The following PRKN variants were observed in gnomAD, a reference collection of about 807,000 sequenced individuals.
PRKN encodes the protein E3 ubiquitin-protein ligase parkin.
Under a neutral mutation model 59.5 loss-of-function variants are expected in PRKN, and 56 were observed. That is an observed-to-expected ratio of 0.94 (90% confidence interval 0.76 to 1.18). PRKN has a LOEUF of 1.18. Ranked by LOEUF, PRKN falls within the 50% of genes most tolerant of loss-of-function variation. The pLI, the probability that PRKN is intolerant of heterozygous loss-of-function variation, is 0.00. For synonymous variants in PRKN, 250 were observed against 222.1 expected (o/e 1.13, Z -1.12); for missense variants, 657 against 596.4 (o/e 1.10, Z -1.06).
chr6:161,817,626 A>C (rs939907434), intron 6 of PRKN, among the ~76,000 whole-genome samples: 1 of 152,212 alleles, frequency 6.6e-6, no homozygotes, highest in Non-Finnish European at 1.5e-5. Flanking sequence ...TTTTAAGAAA[A>C]GTTAACTTGT....
intron 4 of PRKN, among the ~76,000 whole-genome samples, chr6:162,197,355 C>T (rs935254961): frequency 1.1e-4 from 16 of 152,102 alleles, no homozygotes; most frequent in Non-Finnish European, 2.1e-4. Context: ...ATTGAAACAT[C>T]TGATCTTCTC....
intron 4 of PRKN, among the ~76,000 whole-genome samples, chr6:162,159,587 G>C (rs1423290846): frequency 6.6e-6 from 1 of 152,132 alleles, no homozygotes; most frequent in Non-Finnish European, 1.5e-5. Context: ...AGATTTCTTT[G>C]TAGAAATTGA....
intron 5 of PRKN, among the ~76,000 whole-genome samples, chr6:162,019,778 G>A (rs551837899): frequency 1.3e-5 from 2 of 152,278 alleles, no homozygotes; most frequent in East Asian, 3.9e-4. Flanking sequence ...CAGCACTTTG[G>A]GAGGCCAAGG....
chr6:162,476,057 CTT>C (rs765988655), intron 1 of PRKN, among the ~76,000 whole-genome samples: 2 of 113,002 alleles, frequency 1.8e-5, no homozygotes, highest in African/African-American at 3.6e-5. Flanking sequence ...TAACACCACT[CTT>C]TTTTTTTTTT....
At position 162,465,848 on chromosome 6, in the gene PRKN, G is replaced by A. The variant is rs144020708; in HGVS notation, c.8-22375C>T. Among the ~76,000 whole-genome samples, 864 of 152,248 alleles carry A rather than the reference G, an allele frequency of 5.7e-3. 9 individuals carry two copies. Among genetic ancestry groups the A allele is most frequent in the South Asian group, 0.016 (76 of 4,830 alleles). On this transcript the variant is annotated intron_variant, in intron 1 of 11. Transcript: ENST00000366898. The stretch of plus-strand genomic sequence containing the variant: ...AATTAAATTCAGGAGGGTATATTGT[G>A]ATATTTAAGAATTTAACAAAGTTAT...
chr6:161,894,690 G>T (rs1230940818), intron 6 of PRKN, among the ~76,000 whole-genome samples: 3 of 152,164 alleles, frequency 2.0e-5, no homozygotes, highest in African/African-American at 7.2e-5. Context: ...TTCTCTATGG[G>T]AACGTTTTCA....
intron 2 of PRKN, among the ~76,000 whole-genome samples, chr6:162,360,578 T>G (rs1562700730): frequency 6.6e-6 from 1 of 152,164 alleles, no homozygotes; most frequent in Non-Finnish European, 1.5e-5. Flanking sequence ...AATAAGTCAT[T>G]TGTTCTTTAA....
chr6:162,047,455 C>G (rs571083951), intron 5 of PRKN, among the ~76,000 whole-genome samples: 24 of 152,118 alleles, frequency 1.6e-4, no homozygotes, highest in African/African-American at 5.5e-4. Flanking sequence ...TGAAGACCGT[C>G]ATTTGTGACT....
chr6:162,546,300 A>G (rs988682773), intron 1 of PRKN, among the ~76,000 whole-genome samples: 1 of 151,896 alleles, frequency 6.6e-6, no homozygotes, highest in African/African-American at 2.4e-5. Flanking sequence ...ACAGGGTTTT[A>G]CCATGTTGGC....
Position 162,635,595 on chromosome 6 carries a change from TATAATA to T in PRKN, c.7+92061_7+92066del, listed in dbSNP as rs67852948. Among the ~76,000 whole-genome samples the T allele has an allele frequency of 4.0e-5, 6 of 151,280 alleles. No individual in the cohort carries two copies. The South Asian group carries it at 6.2e-4, about 16-fold the overall frequency. Reference sequence around the variant, plus strand: ...TTGTTATTAAGTTTTCTTATTTTATTATAATAATATTATTAATTTTCATTACTCTAA... The same window carrying T: ...TTGTTATTAAGTTTTCTTATTTTATTATATTATTAATTTTCATTACTCTAA... On this transcript the variant is annotated intron_variant, in intron 1 of 11. Coordinates refer to ENST00000366898, the MANE Select transcript of PRKN (RefSeq NM_004562.3).
intron 4 of PRKN, among the ~76,000 whole-genome samples, chr6:162,064,778 A>G (rs1778255140): frequency 6.6e-6 from 1 of 152,244 alleles, no homozygotes; most frequent in Admixed American, 6.5e-5. Flanking sequence ...CTTTCATTAC[A>G]TGAAATTGTC....
At chr6:162,562,754 C>G (rs1441236020) in intron 1 of PRKN, among the ~76,000 whole-genome samples, 1 of 152,184 alleles carries the variant, frequency 6.6e-6, no homozygotes, top group African/African-American at 2.4e-5. Context: ...CCCAGAGAGC[C>G]TGGCAGACCT....
At chr6:161,615,539 A>T (rs1420773706) in intron 7 of PRKN, among the ~76,000 whole-genome samples, 1 of 152,224 alleles carries the variant, frequency 6.6e-6, no homozygotes, top group Non-Finnish European at 1.5e-5. Context: ...ATGACCACTA[A>T]ACTACCAATG....
At chr6:161,636,990 C>G (rs960974212) in intron 7 of PRKN, among the ~76,000 whole-genome samples, 2 of 152,198 alleles carry the variant, frequency 1.3e-5, no homozygotes, top group Admixed American at 1.3e-4. Flanking sequence ...CACGCCATCA[C>G]ATAAAATGCC....
At chr6:161,452,152 C>T (rs777983340) in intron 9 of PRKN, among the ~76,000 whole-genome samples, 1 of 151,644 alleles carries the variant, frequency 6.6e-6, no homozygotes, top group Non-Finnish European at 1.5e-5. Flanking sequence ...TGGTCTTTCA[C>T]CGTATTGGCT....
chr6:161,595,995 G>A (rs550020289), intron 7 of PRKN, among the ~76,000 whole-genome samples: 32 of 152,092 alleles, frequency 2.1e-4, no homozygotes, highest in African/African-American at 6.3e-4. Context: ...TGGAGTGGCC[G>A]GTGGCAGGGG....
intron 1 of PRKN, among the ~76,000 whole-genome samples, chr6:162,694,452 G>A (rs887747738): frequency 7.2e-5 from 11 of 152,068 alleles, no homozygotes; most frequent in African/African-American, 2.7e-4. Flanking sequence ...GCAGCTCTTA[G>A]GAAATCTGTC....
intron 2 of PRKN, among the ~76,000 whole-genome samples, chr6:162,291,688 C>G (rs1408290339): frequency 6.6e-6 from 1 of 152,188 alleles, no homozygotes; most frequent in East Asian, 1.9e-4. Flanking sequence ...AAAGCCCTGG[C>G]TTTAACAGAG....
intron 7 of PRKN, among the ~76,000 whole-genome samples, chr6:161,700,946 C>G (rs1200733874): frequency 1.3e-5 from 2 of 152,212 alleles, no homozygotes. Context: ...TAGCAGCTGA[C>G]TGCCTGGTGT....
Sources: gnomAD v4.1 joint callset for allele counts (sites outside exome capture counted in the v4.1 genomes callset) on GRCh38, gnomAD v4.1.1 for gene constraint, MANE v1.5 for transcripts, NCBI Gene and HGNC (gene_info 2026-07-23, HGNC 2026-07-21) for gene names.